Variants in CCDC47 observed in about 807,000 individuals in gnomAD.
The protein encoded by CCDC47 is coiled-coil domain containing 47.
A neutral mutation model predicts 60.5 loss-of-function variants in CCDC47; 41 were observed. That is an observed-to-expected ratio of 0.68 (90% CI 0.53 to 0.88). The LOEUF is 0.88. CCDC47 is among the 40% of genes least tolerant of loss of function. The pLI, the probability that CCDC47 is intolerant of heterozygous loss-of-function variation, is 0.00. For synonymous variants in CCDC47, 195 were observed against 190.7 expected, an observed-to-expected ratio of 1.02 and a Z score of -0.18; for missense variants, 513 against 580.9, an observed-to-expected ratio of 0.88 and a Z score of 1.20.
intron 4 of CCDC47, 92 bp from the exon 5 acceptor site, chr17:63,761,443 A>G: frequency 3.7e-6 from 5 of 1,336,986 alleles, no homozygotes; most frequent in Non-Finnish European, 5.1e-6. Flanking sequence ...GCACTTTGGG[A>G]GGCTGAGGTG....
chr17:63,749,968 AAAAT>A (rs1470426179), intron 12 of CCDC47, among the ~76,000 whole-genome samples: 1 of 152,078 alleles, frequency 6.6e-6, no homozygotes, highest in Non-Finnish European at 1.5e-5. Context: ...AATAAAAATA[AAAAT>A]AAATTAAAAG....
intron 4 of CCDC47, chr17:63,761,760 C>T: frequency 1.1e-6 from 1 of 918,192 alleles, no homozygotes; most frequent in Non-Finnish European, 1.3e-6. Context: ...ACAAAATGAT[C>T]ACAGCTTCAG....
In CCDC47 at chr17:63,766,190, A is replaced by G. The variant is rs765717797; in HGVS notation, c.-15T>C. ...AAGGCTTTCATTGCACCTTGAGAAA[A>G]AAAGCTTAAAAAAAAAGAGAACCCC... On this transcript the variant is annotated 5_prime_UTR_variant, in exon 2 of 13. Transcript: ENST00000225726. 4 of 1,588,470 alleles carry G rather than the reference A, an allele frequency of 2.5e-6. No individual in the cohort carries two copies. The highest frequency in any genetic ancestry group is 1.7e-6 in the Non-Finnish European group (2 of 1,171,728).
At chr17:63,759,836 C>A (rs569329224) in intron 6 of CCDC47, among the ~76,000 whole-genome samples, 2 of 150,978 alleles carry the variant, frequency 1.3e-5, no homozygotes, top group South Asian at 2.1e-4. Flanking sequence ...GAGGCCAACA[C>A]GGGCGGATCA....
Position 63,770,275 on chromosome 17 carries a change from A to AT in CCDC47, c.-20+3136dup, listed in dbSNP as rs1036966533. ...GGCATGAGCCACCGTGCCCGGACTA[A>AT]TTTTTTTTTTTCTGTAGTGTACTTT... is the stretch of plus-strand genomic sequence containing the variant. On this transcript the variant is annotated intron_variant, in intron 1 of 12. Transcript: ENST00000225726. Among the ~76,000 whole-genome samples the AT allele has an allele frequency of 1.3e-3, 189 of 147,352 alleles. 3 individuals carry two copies. Among genetic ancestry groups the AT allele is most frequent in the African/African-American group, 3.2e-3 (131 of 40,464 alleles).
chr17:63,752,422 G>C lies in CCDC47; in HGVS notation c.1101C>G (p.Gly367=). The C allele has an allele frequency of 6.2e-7, 1 of 1,605,006 alleles. No homozygotes were observed. Among genetic ancestry groups the C allele is most frequent in the Non-Finnish European group, 8.5e-7 (1 of 1,174,702 alleles). The change falls in exon 11 of 13, where the codon GGC becomes GGG. Residue 367 remains glycine, a synonymous_variant. Transcript: ENST00000225726. ...TATCCTTTGGGTAAGTGTTACCTGA[G>C]CCAGGCACTGGAAAACAAAGCCATT... ...RTLLFTFNVP[G]SGNTYPKDME... is the part of the protein sequence containing the mutation.
At chr17:63,766,742 T>TTAGG (rs2039300772) in intron 1 of CCDC47, 1 of 788,194 alleles carries the variant, frequency 1.3e-6, no homozygotes, top group South Asian at 5.8e-5. Context: ...TTTAATTTCT[T>TTAGG]TAGGTTGGGT....
At chr17:63,766,584 T>C (rs1312937085) in intron 1 of CCDC47, among the ~76,000 whole-genome samples, 3 of 152,084 alleles carry the variant, frequency 2.0e-5, no homozygotes, top group Non-Finnish European at 4.4e-5. Flanking sequence ...CCACCACGCC[T>C]GGCTAATTTT....
Position 63,765,913 on chromosome 17 carries a change from T to C in CCDC47, c.263A>G (p.Gln88Arg). The C allele has an allele frequency of 1.9e-6, 3 of 1,608,070 alleles. No individual in the cohort carries two copies. Among genetic ancestry groups the C allele is most frequent in the Non-Finnish European group, 2.5e-6 (3 of 1,177,020 alleles). ...QEGDFEDADT[Q>R]EGDTESEPYD... Reference sequence around the variant, plus strand: ...ATAAATTAATAAAAAGAGCCTCACCTGGGTATCTGCATCTTCAAAATCTCC... The same window carrying C: ...ATAAATTAATAAAAAGAGCCTCACCCGGGTATCTGCATCTTCAAAATCTCC... The change falls in exon 2 of 13, where the codon CAG becomes CGG. Residue 88 changes from glutamine (Q) to arginine (R), a missense_variant and splice_region_variant. Transcript: ENST00000225726.
At chr17:63,769,785 A>G (rs966341984) in intron 1 of CCDC47, among the ~76,000 whole-genome samples, 1 of 152,104 alleles carries the variant, frequency 6.6e-6, no homozygotes, top group Non-Finnish European at 1.5e-5. Flanking sequence ...AATATCTCAT[A>G]ATGTTTTAAG....
In CCDC47 at chr17:63,760,925, T is replaced by C; in HGVS notation, c.724A>G (p.Ser242Gly). ...NVLARMMRPV[S>G]DQVQIKVTMN... ...GGAAGAATACATACCACTTGATCAC[T>C]CACTGGCCTCATCATCCGGGCCAGG... The change falls in exon 6 of 13, where the codon AGT becomes GGT. Residue 242 changes from serine (S) to glycine (G), a missense_variant. Ser to Gly is a moderately conservative substitution (Grantham distance 56). Coordinates refer to ENST00000225726, the MANE Select transcript of CCDC47 (RefSeq NM_020198.3). The C allele has an allele frequency of 6.2e-7, 1 of 1,610,348 alleles. No individual in the cohort carries two copies. Among genetic ancestry groups the C allele is most frequent in the African/African-American group, 1.3e-5 (1 of 74,716 alleles).
intron 12 of CCDC47, among the ~76,000 whole-genome samples, chr17:63,749,015 GAAA>G (rs796080522): frequency 0.018 from 1,308 of 73,392 alleles, 22 homozygotes; most frequent in African/African-American, 0.055. Context: ...TTGTCTCAAA[GAAA>G]AAAAAAAAAA....
chr17:63,764,679 C>T, intron 3 of CCDC47, 61 bp downstream of exon 3: 1 of 1,422,974 alleles, frequency 7.0e-7, no homozygotes, highest in Non-Finnish European at 9.8e-7. Flanking sequence ...AATTTTATTT[C>T]TGGGATTGAT....
intron 12 of CCDC47, among the ~76,000 whole-genome samples, chr17:63,748,100 C>T (rs1025532140): frequency 6.6e-6 from 1 of 151,990 alleles, no homozygotes; most frequent in African/African-American, 2.4e-5. Context: ...GGCAATTCAC[C>T]GACTATGGCC....
At chr17:63,750,908 T>TC (rs1234851979) in intron 12 of CCDC47, among the ~76,000 whole-genome samples, 1 of 151,152 alleles carries the variant, frequency 6.6e-6, no homozygotes, top group African/African-American at 2.4e-5. Flanking sequence ...TCTTTTTTTT[T>TC]TGGCTGCCCA....
intron 1 of CCDC47, among the ~76,000 whole-genome samples, chr17:63,771,031 A>AGGAAGGAG (rs2039335882): frequency 7.3e-6 from 1 of 136,404 alleles, no homozygotes; most frequent in South Asian, 2.6e-4. Context: ...GAAGGAAGGA[A>AGGAAGGAG]GGAAGGAAGG....
chr17:63,761,862 AT>A, intron 4 of CCDC47: 13 of 921,920 alleles, frequency 1.4e-5, no homozygotes, highest in Non-Finnish European at 1.7e-5. Flanking sequence ...TATTGTCTGT[AT>A]TAGAAGAAAT....
chr17:63,753,197 T>C (rs2039180369), intron 9 of CCDC47: 7 of 732,720 alleles, frequency 9.6e-6, no homozygotes, highest in Non-Finnish European at 1.2e-5. Flanking sequence ...AGGCATCTTA[T>C]TATCTTATTT....
Position 63,766,048 on chromosome 17 carries a change from T to G in CCDC47, c.128A>C (p.Glu43Ala). Reference protein sequence around the residue: ...EYDDNDFAEFEDVMEDSVTES... With the variant: ...EYDDNDFAEFADVMEDSVTES... ...AGTAACAGAGTCTTCCATGACATCC[T>G]CAAATTCAGCGAAGTCATTATCATC... is the stretch of plus-strand genomic sequence containing the variant. The change falls in exon 2 of 13, where the codon GAG (glutamate) becomes GCG (alanine). Residue 43 changes from glutamate (E) to alanine (A), a missense_variant. Physicochemically the swap from Glu to Ala is moderately radical, Grantham distance 107 (BLOSUM62 -1). Transcript: ENST00000225726. The G allele has an allele frequency of 1.2e-6, 2 of 1,614,086 alleles. No homozygotes were observed. The highest frequency in any genetic ancestry group is 1.7e-6 in the Non-Finnish European group (2 of 1,179,998).
Sources: allele counts gnomAD v4.1 joint callset (sites outside exome capture counted in the v4.1 genomes callset), GRCh38; gene constraint gnomAD v4.1.1; transcripts MANE v1.5; gene names NCBI Gene and HGNC (gene_info 2026-07-23, HGNC 2026-07-21).